Variants in CYP4Z1 observed in about 807,000 individuals in gnomAD.
CYP4Z1 encodes cytochrome P450 family 4 subfamily Z member 1.
A neutral mutation model predicts 54.2 loss-of-function variants in CYP4Z1; 41 were observed. The ratio of observed to expected loss-of-function variants is 0.76; its 90% CI spans 0.59 to 0.98. The LOEUF (loss-of-function observed/expected upper bound fraction) is 0.98. CYP4Z1 is among the 50% of genes least tolerant of loss of function. The pLI is 0.00. For synonymous variants in CYP4Z1, 163 were observed against 206.2 expected, an observed-to-expected ratio of 0.79 and a Z score of 1.79; for missense variants, 513 against 599.0, an observed-to-expected ratio of 0.86 and a Z score of 1.50.
intron 5 of CYP4Z1, 23 bp from the exon 6 acceptor site, chr1:47,084,798 ATGT>A: frequency 6.2e-7 from 1 of 1,602,102 alleles, no homozygotes; most frequent in Non-Finnish European, 8.5e-7. Flanking sequence ...ACCCACTAAC[ATGT>A]TGTTCCATCT....
chr1:47,074,691 T>G (rs1644507173), intron 2 of CYP4Z1: 1 of 295,078 alleles, frequency 3.4e-6, no homozygotes, highest in South Asian at 4.4e-5. Context: ...GACTCTGATA[T>G]CTACACTTAA....
At chr1:47,062,631 A>AAT (rs781097708), upstream of CYP4Z1, among the ~76,000 whole-genome samples, 45 of 152,028 alleles carry the variant, frequency 3.0e-4, no homozygotes, top group Admixed American at 5.2e-4. Context: ...TACCCCTGGG[A>AAT]ATATAGCTCC....
intron 6 of CYP4Z1, 131 bp downstream of exon 6, chr1:47,085,109 C>T (rs1439949675): frequency 5.0e-5 from 30 of 601,980 alleles, no homozygotes; most frequent in Non-Finnish European, 7.7e-5. Context: ...TAATTTGTAC[C>T]TCTTAAATGA....
At chr1:47,086,920 A>G (rs111876790) in intron 6 of CYP4Z1, among the ~76,000 whole-genome samples, 1 of 152,220 alleles carries the variant, frequency 6.6e-6, no homozygotes, top group African/African-American at 2.4e-5. Flanking sequence ...ATGGCTAGCC[A>G]GTTTTCCCAG....
chr1:47,084,122 G>C (rs1644574922), intron 4 of CYP4Z1, among the ~76,000 whole-genome samples: 1 of 152,042 alleles, frequency 6.6e-6, no homozygotes, highest in Non-Finnish European at 1.5e-5. Flanking sequence ...ATATAGTTGA[G>C]GGTTTTCTGT....
At chr1:47,084,481 A>G in intron 4 of CYP4Z1, 139 bp from the exon 5 acceptor site, 1 of 1,153,844 alleles carries the variant, frequency 8.7e-7, no homozygotes, top group Admixed American at 2.6e-5. Context: ...TTCATTTTAT[A>G]TGGTTGTCAT....
At chr1:47,059,680 G>T in the CYP4Z1 span, among the ~76,000 whole-genome samples, 2 of 152,064 alleles carry the variant, frequency 1.3e-5, no homozygotes, top group African/African-American at 2.4e-5. Flanking sequence ...AAACCCAAAA[G>T]GCTTTCTCAT....
intron 9 of CYP4Z1, among the ~76,000 whole-genome samples, chr1:47,111,138 T>A (rs1430637426): frequency 6.6e-6 from 1 of 152,196 alleles, no homozygotes; most frequent in Admixed American, 6.5e-5. Context: ...CAATTCATCA[T>A]GAACATAAGA....
At chr1:47,056,555 A>G in the CYP4Z1 span, among the ~76,000 whole-genome samples, 1 of 152,106 alleles carries the variant, frequency 6.6e-6, no homozygotes, top group African/African-American at 2.4e-5. Context: ...GTGGGAGTCT[A>G]AGTCTCTTCG....
chr1:47,087,258 G>C (rs561808937), intron 6 of CYP4Z1, among the ~76,000 whole-genome samples: 1 of 152,086 alleles, frequency 6.6e-6, no homozygotes, highest in Non-Finnish European at 1.5e-5. Context: ...TGATGGGGAT[G>C]GCATTGAATG....
At chr1:47,113,978 G>A (rs1008440492) in intron 9 of CYP4Z1, among the ~76,000 whole-genome samples, 26 of 152,244 alleles carry the variant, frequency 1.7e-4, no homozygotes, top group East Asian at 3.9e-4. Flanking sequence ...AAAAGAGTCC[G>A]CATCGCCAAG....
upstream of CYP4Z1, among the ~76,000 whole-genome samples, chr1:47,063,994 G>T (rs1350179808): frequency 6.6e-6 from 1 of 151,588 alleles, no homozygotes; most frequent in Non-Finnish European, 1.5e-5. Context: ...TGAGGCAAAA[G>T]TGTCAGGTAA....
intron 6 of CYP4Z1, among the ~76,000 whole-genome samples, chr1:47,089,507 G>A (rs1454609196): frequency 2.0e-5 from 3 of 152,042 alleles, no homozygotes; most frequent in African/African-American, 7.3e-5. Context: ...TTATGTTAAT[G>A]TTTCTGGTAA....
Position 47,115,604 on chromosome 1 carries a change from C to T in CYP4Z1, c.1266+11C>T. ...TGGGAAGACCCTCAGGTATGATTGT[C>T]CCAACTGCACCCAGTGGCATCTAAG... On this transcript the variant is annotated intron_variant, in intron 10 of 11. Coordinates refer to ENST00000334194, the MANE Select transcript of CYP4Z1 (RefSeq NM_178134.3). The T allele has an allele frequency of 1.9e-6, 3 of 1,611,582 alleles. No homozygotes were observed. Among genetic ancestry groups the T allele is most frequent in the Non-Finnish European group, 2.5e-6 (3 of 1,178,268 alleles).
intron 2 of CYP4Z1, among the ~76,000 whole-genome samples, chr1:47,074,546 G>A (rs552344743): frequency 6.6e-6 from 1 of 152,216 alleles, no homozygotes; most frequent in East Asian, 1.9e-4. Context: ...GTGAGATAAA[G>A]GTACACTTAA....
chr1:47,056,772 T>C, the CYP4Z1 span, among the ~76,000 whole-genome samples: 1 of 152,182 alleles, frequency 6.6e-6, no homozygotes, highest in Non-Finnish European at 1.5e-5. Context: ...TCCATTTGCT[T>C]GGTAGATCTT....
chr1:47,083,360 T>C lies in CYP4Z1; in HGVS notation c.492+899T>C, dbSNP rs556338263. Among the ~76,000 whole-genome samples, 485 of 152,162 alleles carry C rather than the reference T, an allele frequency of 3.2e-3. 6 individuals carry two copies. The highest frequency in any genetic ancestry group is 0.011 in the African/African-American group (470 of 41,402). On this transcript the variant is annotated intron_variant, in intron 4 of 11. Transcript: ENST00000334194. ...ATCAAAGCAAAACATATAAATATAG[T>C]GACTGCAAATACTTTTTAAGCACTT... is the stretch of plus-strand genomic sequence containing the variant.
intron 2 of CYP4Z1, among the ~76,000 whole-genome samples, chr1:47,069,299 A>G (rs1644475058): frequency 6.6e-6 from 1 of 152,258 alleles, no homozygotes; most frequent in African/African-American, 2.4e-5. Flanking sequence ...AGATGTGTGT[A>G]GGATTCCCCC....
At position 47,079,185 on chromosome 1, in the gene CYP4Z1, A is replaced by T. The variant is rs397832619; in HGVS notation, c.320-1438A>T. Among the ~76,000 whole-genome samples, 756 of 152,294 alleles carry T rather than the reference A, an allele frequency of 5.0e-3. 5 individuals are homozygous for T. Among genetic ancestry groups the T allele is most frequent in the African/African-American group, 0.017 (697 of 41,550 alleles). ...TTCTGCTTTCTCTAGGATCCAGGAAACAGAACCCACTGAGAATGCAGGCTG... is the reference window on the plus strand; with the variant it reads ...TTCTGCTTTCTCTAGGATCCAGGAATCAGAACCCACTGAGAATGCAGGCTG... On this transcript the variant is annotated intron_variant, in intron 2 of 11. Transcript: ENST00000334194.
Sources: allele counts gnomAD v4.1 joint callset (sites outside exome capture counted in the v4.1 genomes callset), GRCh38; gene constraint gnomAD v4.1.1; transcripts MANE v1.5; gene names NCBI Gene and HGNC (gene_info 2026-07-23, HGNC 2026-07-21).